Variants in TMEM164 observed in about 807,000 individuals in gnomAD.
The protein encoded by TMEM164 is RP13-360B22.2.
In TMEM164, 4 loss-of-function variants were observed where a neutral mutation model predicts 18.8. That is an observed-to-expected ratio of 0.21 (90% CI 0.10 to 0.49). The LOEUF (loss-of-function observed/expected upper bound fraction) is 0.49. Among genes scored for constraint, TMEM164 ranks in the 20% least tolerant of loss-of-function variants. The pLI is 0.98. For synonymous variants in TMEM164, 86 were observed against 101.7 expected (o/e 0.85, Z 0.93); for missense variants, 108 against 239.9 (o/e 0.45, Z 3.63).
At chrX:110,165,461 C>T (rs896224671) in intron 5 of TMEM164, among the ~76,000 whole-genome samples, 1 of 112,682 alleles carries the variant, frequency 8.9e-6, no homozygotes, top group East Asian at 2.8e-4. Context: ...CAGCACACCT[C>T]TCTCCTAGCT....
intron 2 of TMEM164, among the ~76,000 whole-genome samples, chrX:110,019,067 G>T (rs1933648060): frequency 9.0e-6 from 1 of 111,376 alleles, no homozygotes; most frequent in Non-Finnish European, 1.9e-5. Flanking sequence ...AAATGCTGGG[G>T]CCATCAAGCA....
At chrX:110,027,338 A>G (rs1934243501) in intron 2 of TMEM164, among the ~76,000 whole-genome samples, 1 of 111,981 alleles carries the variant, frequency 8.9e-6, no homozygotes, top group Admixed American at 9.5e-5. Flanking sequence ...GGTCAATTAT[A>G]CTGATTGATT....
At chrX:110,091,042 C>A (rs958356447) in intron 3 of TMEM164, among the ~76,000 whole-genome samples, 1 of 111,218 alleles carries the variant, frequency 9.0e-6, no homozygotes, top group Admixed American at 9.6e-5. Flanking sequence ...TGAACTCATC[C>A]TTTTTTATGG....
chrX:110,017,860 C>T (rs771458483), intron 2 of TMEM164, among the ~76,000 whole-genome samples: 56 of 109,659 alleles, frequency 5.1e-4, no homozygotes, highest in African/African-American at 1.8e-3. Context: ...TGAGCCACTG[C>T]GCCCGGCCTG....
intron 2 of TMEM164, among the ~76,000 whole-genome samples, chrX:110,036,513 A>C (rs778200756): frequency 3.2e-4 from 36 of 112,559 alleles, no homozygotes; most frequent in Non-Finnish European, 5.3e-4. Flanking sequence ...AGCTTAGTGT[A>C]CAATGGGCTG....
At chrX:110,086,751 G>GAGTTT (rs1403273911) in intron 3 of TMEM164, among the ~76,000 whole-genome samples, 7 of 109,929 alleles carry the variant, frequency 6.4e-5, no homozygotes, top group Non-Finnish European at 1.3e-4. Flanking sequence ...TGCTGACTCT[G>GAGTTT]AGTTTAGAGG....
chrX:110,076,026 G>A (rs1478801062), intron 3 of TMEM164, among the ~76,000 whole-genome samples: 2 of 54,921 alleles, frequency 3.6e-5, no homozygotes, highest in Non-Finnish European at 7.0e-5. Flanking sequence ...TTTTTTTTTT[G>A]TAATAGTAAG....
intron 3 of TMEM164, among the ~76,000 whole-genome samples, chrX:110,105,307 A>G (rs1275296007): frequency 9.0e-6 from 1 of 110,572 alleles, no homozygotes; most frequent in Non-Finnish European, 1.9e-5. Context: ...TGCACATTTT[A>G]ATGCATTTTT....
intron 4 of TMEM164, among the ~76,000 whole-genome samples, chrX:110,140,521 G>T (rs186795598): frequency 9.0e-6 from 1 of 111,556 alleles, no homozygotes; most frequent in East Asian, 2.8e-4. Context: ...GAGGACAGTG[G>T]TGTAGCTGTC....
At chrX:110,020,301 T>C (rs896713516) in intron 2 of TMEM164, 2 of 682,781 alleles carry the variant, frequency 2.9e-6, no homozygotes, top group African/African-American at 4.7e-5. Context: ...GAGGAAACTG[T>C]GGCTTAGAGG....
intron 3 of TMEM164, among the ~76,000 whole-genome samples, chrX:110,102,624 T>C (rs1214297109): frequency 8.9e-6 from 1 of 112,319 alleles, no homozygotes. Flanking sequence ...CCACTGTATA[T>C]TGAGTGCTTA....
chrX:110,077,325 A>G lies in TMEM164; in HGVS notation c.440+9929A>G, dbSNP rs1418429283. On this transcript the variant is annotated intron_variant, in intron 3 of 6. Transcript: ENST00000372068. ...TGCATGATAGATTTCTCTCTATCCC[A>G]TTACTTTGAGCCTGTGGGTGTCATC... 4.5e-5 allele frequency among the ~76,000 whole-genome samples: 5 copies of G among 111,449 alleles called. No individual in the cohort carries two copies. In the Admixed American group the frequency reaches 4.8e-4, roughly 11 times the overall value.
Position 110,003,694 on chromosome X carries a change from C to T in TMEM164, c.-81C>T. 2 of 1,093,742 alleles carry T rather than the reference C, an allele frequency of 1.8e-6. No individual in the cohort carries two copies. Among genetic ancestry groups the T allele is most frequent in the Non-Finnish European group, 2.4e-6 (2 of 824,005 alleles). 90.1% of individuals were successfully genotyped at this position (1,093,742 alleles called of 1,213,427 possible). ...TGGGGGTGTGCCCGCCTTACATGGT[C>T]CACCACCCGGGCAACCCTCTGGGCT... is the stretch of plus-strand genomic sequence containing the variant. On this transcript the variant is annotated 5_prime_UTR_variant, in exon 2 of 7. Coordinates refer to ENST00000372068, the MANE Select transcript of TMEM164 (RefSeq NM_032227.4).
At chrX:110,067,625 G>C (rs1161794544) in intron 3 of TMEM164, among the ~76,000 whole-genome samples, 6 of 112,015 alleles carry the variant, frequency 5.4e-5, no homozygotes, top group Admixed American at 1.9e-4. Context: ...CTTCCAGTAG[G>C]GGATGTATGG....
chrX:110,159,077 G>A, intron 5 of TMEM164, among the ~76,000 whole-genome samples: 1 of 111,967 alleles, frequency 8.9e-6, no homozygotes, highest in Non-Finnish European at 1.9e-5. Context: ...AATATACTGT[G>A]GCCCTGCCTA....
At chrX:110,165,608 T>G (rs2067149221) in intron 5 of TMEM164, among the ~76,000 whole-genome samples, 1 of 112,150 alleles carries the variant, frequency 8.9e-6, no homozygotes, top group Admixed American at 9.4e-5. Context: ...TCTTTCTCAT[T>G]GATCTTATCC....
At chrX:110,101,436 A>C (rs1293637493) in intron 3 of TMEM164, among the ~76,000 whole-genome samples, 2 of 111,156 alleles carry the variant, frequency 1.8e-5, no homozygotes, top group African/African-American at 6.5e-5. Flanking sequence ...ATTCTTTTAT[A>C]ATTTTAATTG....
chrX:110,062,140 A>G (rs1047261772), intron 2 of TMEM164, among the ~76,000 whole-genome samples: 1 of 111,974 alleles, frequency 8.9e-6, no homozygotes, highest in Non-Finnish European at 1.9e-5. Flanking sequence ...CAGAGCTGCA[A>G]CAATGACAGC....
intron 3 of TMEM164, among the ~76,000 whole-genome samples, chrX:110,095,318 A>G (rs1220312603): frequency 8.9e-6 from 1 of 112,001 alleles, no homozygotes; most frequent in Non-Finnish European, 1.9e-5. Flanking sequence ...AGGTACACCA[A>G]TCAGACGTAG....
Sources: allele counts gnomAD v4.1 joint callset (sites outside exome capture counted in the v4.1 genomes callset), GRCh38; gene constraint gnomAD v4.1.1; transcripts MANE v1.5; gene names NCBI Gene and HGNC (gene_info 2026-07-23, HGNC 2026-07-21).